The following NAA16 variants were observed in gnomAD, a reference collection of about 807,000 sequenced individuals.
The protein encoded by NAA16 is N-alpha-acetyltransferase 16, NatA auxiliary subunit, also known as NARG1-like protein.
NAA16 carries 97 observed loss-of-function variants against 110.3 expected under a neutral mutation model. The observed-to-expected ratio is 0.88, with a 90% CI of 0.75 to 1.04. The LOEUF is 1.04. NAA16 is among the 50% of genes least tolerant of loss of function. NAA16 has a pLI of 0.00. For missense variants in NAA16, 1,017 were observed against 1,005.1 expected (o/e 1.01, Z -0.16); for synonymous variants, 372 against 330.6 (o/e 1.13, Z -1.36).
In NAA16 at chr13:41,318,801, T is replaced by C; in HGVS notation, c.140-5T>C. Reference sequence around the variant, plus strand: ...TGTAAATAGAGTTTAAAAATTATTTTTCAGAGACTTTGGCTATGAAAGGAT... The same window carrying C: ...TGTAAATAGAGTTTAAAAATTATTTCTCAGAGACTTTGGCTATGAAAGGAT... On this transcript the variant is annotated splice_polypyrimidine_tract_variant and splice_region_variant and intron_variant, in intron 2 of 19. Coordinates refer to ENST00000379406, the MANE Select transcript of NAA16 (RefSeq NM_024561.5). 6.6e-7 allele frequency: 1 copy of C among 1,510,808 alleles called. No homozygotes were observed. 93.6% of individuals were successfully genotyped at this position (1,510,808 alleles called of 1,614,324 possible).
At chr13:41,311,648 G>T (rs928298410) in intron 1 of NAA16, 66 bp downstream of exon 1, 71 of 1,486,642 alleles carry the variant, frequency 4.8e-5, no homozygotes, top group South Asian at 2.0e-4. Flanking sequence ...AGGGCAAGCG[G>T]TCTGGCGGCG....
At chr13:41,326,728 A>G (rs978297229) in intron 6 of NAA16, among the ~76,000 whole-genome samples, 1 of 152,148 alleles carries the variant, frequency 6.6e-6, no homozygotes, top group African/African-American at 2.4e-5. Context: ...TAAAAAATAG[A>G]CATTTTCAGG....
At chr13:41,311,962 T>C (rs1416257307) in intron 1 of NAA16, among the ~76,000 whole-genome samples, 1 of 152,214 alleles carries the variant, frequency 6.6e-6, no homozygotes, top group Non-Finnish European at 1.5e-5. Context: ...ATTTTGCCAG[T>C]CTCTCCTCGG....
chr13:41,372,118 T>A, intron 15 of NAA16, 85 bp from the exon 16 acceptor site: 1 of 1,107,864 alleles, frequency 9.0e-7, no homozygotes, highest in Non-Finnish European at 1.2e-6. Context: ...TAAATTACTT[T>A]AGACATATGT....
In NAA16 at chr13:41,375,909, T is replaced by C. The variant is rs2043419501; in HGVS notation, c.*307T>C. 4.8e-6 allele frequency: 1 copy of C among 209,376 alleles called. No homozygotes were observed. Among genetic ancestry groups the C allele is most frequent in the Non-Finnish European group, 9.4e-6 (1 of 106,436 alleles). The allele number at this position is 209,376 out of a possible 1,614,324, so 13.0% of individuals were successfully genotyped here. A position where few individuals can be genotyped will look rare whatever the true frequency, so the allele number is the denominator to read the frequency against. ...TTTTCTTTAGATTCTGATTTCAGGA[T>C]CTGTGCTTTGATTCCTTGTCTGTTT... On this transcript the variant is annotated 3_prime_UTR_variant, in exon 20 of 20. Coordinates refer to ENST00000379406, the MANE Select transcript of NAA16 (RefSeq NM_024561.5).
intron 9 of NAA16, among the ~76,000 whole-genome samples, chr13:41,349,486 C>CTT (rs11403159): frequency 2.0e-4 from 30 of 150,686 alleles, no homozygotes; most frequent in African/African-American, 4.4e-4. Flanking sequence ...CTGGTCCTTT[C>CTT]TTTTTTTTTC....
At chr13:41,359,860 A>G (rs141522613) in intron 12 of NAA16, among the ~76,000 whole-genome samples, 48 of 152,336 alleles carry the variant, frequency 3.2e-4, no homozygotes, top group African/African-American at 1.1e-3. Flanking sequence ...CCTTACACTT[A>G]TAGAAGAAAA....
Position 41,372,270 on chromosome 13 carries a change from T to C in NAA16, c.2015T>C (p.Ile672Thr), listed in dbSNP as rs781104510. The C allele has an allele frequency of 2.1e-5, 33 of 1,601,610 alleles. No homozygotes were observed. Among genetic ancestry groups the C allele is most frequent in the East Asian group, 4.5e-5 (2 of 44,218 alleles). The change falls in exon 16 of 20, where the codon ATT (isoleucine) becomes ACT (threonine). Residue 672 changes from isoleucine (I) to threonine (T), a missense_variant. Coordinates refer to ENST00000379406, the MANE Select transcript of NAA16 (RefSeq NM_024561.5). ...IPLKNLVADN[I>T]DTHLLAFEIY... ...CTTAAGAACCTTGTTGCTGATAACA[T>C]TGACACTCATCTGTTAGCATTTGAA...
In NAA16 at chr13:41,311,279, A is replaced by G; in HGVS notation, c.-250A>G. The G allele has an allele frequency of 3.6e-6, 2 of 551,780 alleles. No homozygotes were observed. The highest frequency in any genetic ancestry group is 2.3e-5 in the South Asian group (1 of 44,112). The allele number at this position is 551,780 out of a possible 1,614,324, so 34.2% of individuals were successfully genotyped here. A position where few individuals can be genotyped will look rare whatever the true frequency, so the allele number is the denominator to read the frequency against. ...TGGCTGCCATCTTGCAGTGCGCGGG[A>G]ACCGCCGCCGCCGCCGCTGGCCAAA... On this transcript the variant is annotated 5_prime_UTR_variant, in exon 1 of 20. Transcript: ENST00000379406.
chr13:41,333,961 G>A (rs1411358359), intron 8 of NAA16, among the ~76,000 whole-genome samples: 1 of 151,716 alleles, frequency 6.6e-6, no homozygotes, highest in East Asian at 1.9e-4. Flanking sequence ...TCAGTGGAGG[G>A]GTCTGATGGC....
intron 9 of NAA16, among the ~76,000 whole-genome samples, chr13:41,343,396 G>A (rs2139449761): frequency 6.6e-6 from 1 of 152,282 alleles, no homozygotes; most frequent in South Asian, 2.1e-4. Context: ...AGCTCTAAGA[G>A]CATTTTAAAT....
At chr13:41,349,830 G>A (rs916744566) in intron 9 of NAA16, among the ~76,000 whole-genome samples, 4 of 151,860 alleles carry the variant, frequency 2.6e-5, no homozygotes, top group Non-Finnish European at 4.4e-5. Flanking sequence ...TTAGCTGGGC[G>A]TGGTGGAATA....
At chr13:41,340,698 C>T (rs1417076352) in intron 9 of NAA16, among the ~76,000 whole-genome samples, 3 of 104,142 alleles carry the variant, frequency 2.9e-5, no homozygotes, top group Non-Finnish European at 3.5e-5. Flanking sequence ...TTTTCCGAGA[C>T]GGAGTCTCTC....
At position 41,367,383 on chromosome 13, in the gene NAA16, A is replaced by G. The variant is rs570399898; in HGVS notation, c.1540-56A>G. On this transcript the variant is annotated intron_variant, in intron 13 of 19. Coordinates refer to ENST00000379406, the MANE Select transcript of NAA16 (RefSeq NM_024561.5). The stretch of plus-strand genomic sequence containing the variant: ...GCTTTTTACAATTTTTTTTTTCTAA[A>G]GGTAGACATTATTGACATAAATGTA... 8.8e-5 allele frequency: 111 copies of G among 1,257,740 alleles called. No homozygotes were observed. In the East Asian group the frequency reaches 2.3e-3, roughly 26 times the overall value. The allele number at this position is 1,257,740 out of a possible 1,614,324, so 77.9% of individuals were successfully genotyped here.
chr13:41,330,838 C>T (rs1249572606), intron 7 of NAA16, among the ~76,000 whole-genome samples: 4 of 151,978 alleles, frequency 2.6e-5, no homozygotes, highest in Non-Finnish European at 5.9e-5. Context: ...AATCGTAATC[C>T]TAAAACTGTT....
chr13:41,367,503 T>C lies in NAA16; in HGVS notation c.1604T>C (p.Leu535Pro), dbSNP rs764102866. The C allele has an allele frequency of 3.1e-6, 5 of 1,613,352 alleles. No homozygotes were observed. The highest frequency in any genetic ancestry group is 3.4e-6 in the Non-Finnish European group (4 of 1,179,686). Residue 535 changes from leucine to proline, a missense_variant, in exon 14 of 20, where the codon CTT becomes CCT. Leu to Pro is a moderately conservative substitution (Grantham distance 98). Transcript: ENST00000379406. ...FHTYCMRKMT[L>P]RAYVDLLRLE... ...ACATACTGCATGAGAAAGATGACCC[T>C]TCGTGCCTATGTTGACCTTTTGAGA...
At chr13:41,336,959 G>A (rs1056578525) in intron 9 of NAA16, among the ~76,000 whole-genome samples, 1 of 151,896 alleles carries the variant, frequency 6.6e-6, no homozygotes, top group Non-Finnish European at 1.5e-5. Context: ...AGATTATAAA[G>A]GTTGTTTATT....
intron 16 of NAA16, 151 bp from the exon 17 acceptor site, chr13:41,372,581 G>C (rs2043343761): frequency 7.6e-7 from 1 of 1,324,490 alleles, no homozygotes; most frequent in Non-Finnish European, 9.6e-7. Context: ...AGCCATAGTT[G>C]ACTTTGATAG....
intron 16 of NAA16, 60 bp downstream of exon 16, chr13:41,372,371 G>T: frequency 6.7e-7 from 1 of 1,489,338 alleles, no homozygotes. Context: ...CATATTCAGT[G>T]TAATCTTTGT....
Sources: allele counts gnomAD v4.1 joint callset (sites outside exome capture counted in the v4.1 genomes callset), GRCh38; gene constraint gnomAD v4.1.1; transcripts MANE v1.5; gene names NCBI Gene and HGNC (gene_info 2026-07-23, HGNC 2026-07-21).